CADPS: variants seen among roughly 807,000 people sequenced by gnomAD.
CADPS encodes calcium-dependent secretion activator 1.
In CADPS, 57 loss-of-function variants were observed where a neutral mutation model predicts 167.3. The observed-to-expected ratio is 0.34, with a 90% CI of 0.28 to 0.42. The LOEUF (loss-of-function observed/expected upper bound fraction) is 0.42, where lower values mean the gene tolerates loss of function less well. Among genes scored for constraint, CADPS ranks in the 20% least tolerant of loss-of-function variants. The pLI, the probability that CADPS is intolerant of heterozygous loss-of-function variation, is 1.00. For synonymous variants in CADPS, 676 were observed against 635.3 expected (o/e 1.06, Z -0.96); for missense variants, 1,414 against 1,738.1 (o/e 0.81, Z 3.32).
intron 3 of CADPS, among the ~76,000 whole-genome samples, chr3:62,750,601 A>T (rs989455483): frequency 6.6e-6 from 1 of 152,186 alleles, no homozygotes; most frequent in South Asian, 2.1e-4. Flanking sequence ...AAATTTGGAG[A>T]CATAAAAAAG....
chr3:62,491,583 A>ACACACT, intron 20 of CADPS, 103 bp from the exon 21 acceptor site: 1 of 977,740 alleles, frequency 1.0e-6, no homozygotes, highest in South Asian at 1.6e-5. Context: ...ACACACACAC[A>ACACACT]CAGATGATTG....
intron 21 of CADPS, among the ~76,000 whole-genome samples, chr3:62,483,669 A>C (rs2062364329): frequency 6.6e-6 from 1 of 152,184 alleles, no homozygotes; most frequent in Non-Finnish European, 1.5e-5. Context: ...AAGATTAACT[A>C]TATGACTATT....
At chr3:62,470,719 C>T (rs932382482) in intron 24 of CADPS, 4 of 152,094 alleles carry the variant, frequency 2.6e-5, no homozygotes, top group East Asian at 1.9e-4. Context: ...AAAAATGTCA[C>T]GAAAGATCTC....
chr3:62,780,886 T>A (rs555831657), intron 1 of CADPS, among the ~76,000 whole-genome samples: 4 of 152,222 alleles, frequency 2.6e-5, no homozygotes, highest in Non-Finnish European at 5.9e-5. Flanking sequence ...TGTTTTTAAC[T>A]TTGTGAAAAA....
intron 1 of CADPS, among the ~76,000 whole-genome samples, chr3:62,808,350 GA>G (rs535684535): frequency 4.6e-5 from 7 of 152,140 alleles, no homozygotes; most frequent in Middle Eastern, 6.8e-3. Context: ...GAGAATGGGA[GA>G]AAAAAAGTAA....
At chr3:62,400,437 TAA>T (rs1424476185) in intron 29 of CADPS, among the ~76,000 whole-genome samples, 1 of 152,070 alleles carries the variant, frequency 6.6e-6, no homozygotes, top group Non-Finnish European at 1.5e-5. Context: ...TTTGTTTTTT[TAA>T]AAGGTCTCTA....
At chr3:62,487,027 A>C (rs2062930329) in intron 21 of CADPS, among the ~76,000 whole-genome samples, 1 of 152,202 alleles carries the variant, frequency 6.6e-6, no homozygotes, top group South Asian at 2.1e-4. Flanking sequence ...TCTTATGGAA[A>C]GCCACTTTTG....
At chr3:62,612,907 A>G (rs907386481) in intron 6 of CADPS, among the ~76,000 whole-genome samples, 1 of 152,220 alleles carries the variant, frequency 6.6e-6, no homozygotes, top group African/African-American at 2.4e-5. Context: ...CAAATGAATA[A>G]GACAGAAAAT....
intron 13 of CADPS, among the ~76,000 whole-genome samples, chr3:62,523,066 C>A (rs2071115063): frequency 6.6e-6 from 1 of 152,344 alleles, no homozygotes; most frequent in African/African-American, 2.4e-5. Flanking sequence ...GGAAAGATGT[C>A]ATGTCGGCTG....
In CADPS at chr3:62,495,161, T is replaced by G. The variant is rs527400386; in HGVS notation, c.2707-1496A>C. 9.1e-4 allele frequency among the ~76,000 whole-genome samples: 138 copies of G among 152,330 alleles called. 1 individual carries two copies. The highest frequency in any genetic ancestry group is 3.2e-3 in the African/African-American group (133 of 41,566). The stretch of plus-strand genomic sequence containing the variant: ...CTACTGTGGCATGAATCATTGCTAT[T>G]GGAGTCTGGTAGAACAGTTTAGGGA... On this transcript the variant is annotated intron_variant, in intron 18 of 29. Coordinates refer to ENST00000383710, the MANE Select transcript of CADPS (RefSeq NM_003716.4).
intron 1 of CADPS, among the ~76,000 whole-genome samples, chr3:62,871,710 A>G (rs1398655165): frequency 2.0e-5 from 3 of 152,190 alleles, no homozygotes; most frequent in Non-Finnish European, 4.4e-5. Flanking sequence ...ACAGAAAAAA[A>G]TAACTTTGGC....
chr3:62,428,290 G>A (rs1192073102), intron 28 of CADPS, among the ~76,000 whole-genome samples: 1 of 117,508 alleles, frequency 8.5e-6, no homozygotes, highest in South Asian at 2.9e-4. Flanking sequence ...CCTGGTGGAA[G>A]CAAGACTTTT....
intron 8 of CADPS, among the ~76,000 whole-genome samples, chr3:62,582,414 C>A (rs1274763400): frequency 6.6e-6 from 1 of 152,174 alleles, no homozygotes; most frequent in Non-Finnish European, 1.5e-5. Flanking sequence ...CCGCTGCACT[C>A]CAGCCTGAGT....
intron 4 of CADPS, among the ~76,000 whole-genome samples, chr3:62,661,339 T>C (rs1007013594): frequency 6.7e-6 from 1 of 149,844 alleles, no homozygotes; most frequent in African/African-American, 2.4e-5. Flanking sequence ...GAGAAGGTGT[T>C]TTAAGTCAGG....
intron 3 of CADPS, among the ~76,000 whole-genome samples, chr3:62,675,731 T>C (rs1035238705): frequency 2.6e-5 from 4 of 152,122 alleles, no homozygotes; most frequent in African/African-American, 7.2e-5. Context: ...CTTTAAATGG[T>C]AAACCACCAT....
chr3:62,492,255 C>T (rs746626292), intron 20 of CADPS, 35 bp downstream of exon 20: 12 of 1,596,426 alleles, frequency 7.5e-6, no homozygotes, highest in Non-Finnish European at 1.0e-5. Flanking sequence ...CTGCACACTA[C>T]TTAGGAAAGT....
chr3:62,702,830 T>A (rs541059087), intron 3 of CADPS, among the ~76,000 whole-genome samples: 1 of 152,146 alleles, frequency 6.6e-6, no homozygotes, highest in Non-Finnish European at 1.5e-5. Flanking sequence ...GGGGCTACCA[T>A]GTTGGACAGC....
intron 3 of CADPS, among the ~76,000 whole-genome samples, chr3:62,725,641 G>T (rs2076602979): frequency 6.7e-6 from 1 of 149,534 alleles, no homozygotes; most frequent in African/African-American, 2.6e-5. Flanking sequence ...AGACATTGCT[G>T]GTATACAGGA....
chr3:62,599,495 AT>A (rs1336532467), intron 6 of CADPS, among the ~76,000 whole-genome samples: 1 of 108,736 alleles, frequency 9.2e-6, no homozygotes, highest in Non-Finnish European at 1.7e-5. Flanking sequence ...TATTATATAT[AT>A]ATTTTATATA....
Sources: allele counts gnomAD v4.1 joint callset (sites outside exome capture counted in the v4.1 genomes callset), GRCh38; gene constraint gnomAD v4.1.1; transcripts MANE v1.5; gene names NCBI Gene and HGNC (gene_info 2026-07-23, HGNC 2026-07-21).